Variants in GMDS observed in about 807,000 individuals in gnomAD.
The protein encoded by GMDS is GDP-mannose 4,6 dehydratase.
In GMDS, 20 loss-of-function variants were observed where a neutral mutation model predicts 49.9. The ratio of observed to expected loss-of-function variants is 0.40; its 90% CI spans 0.28 to 0.58. The LOEUF (loss-of-function observed/expected upper bound fraction) is 0.58. Among genes scored for constraint, GMDS ranks in the 20% least tolerant of loss-of-function variants. The pLI, the probability that GMDS is intolerant of heterozygous loss-of-function variation, is 0.42. For missense variants in GMDS, 362 were observed against 481.4 expected, an observed-to-expected ratio of 0.75 and a Z score of 2.32; for synonymous variants, 177 against 178.6, an observed-to-expected ratio of 0.99 and a Z score of 0.07.
At chr6:1,919,932 T>C (rs764993966) in intron 7 of GMDS, among the ~76,000 whole-genome samples, 3 of 152,186 alleles carry the variant, frequency 2.0e-5, no homozygotes, top group South Asian at 2.1e-4. Context: ...CCCAGCTGTA[T>C]TGAAGTCAAC....
At chr6:1,971,909 A>G (rs575797712) in intron 4 of GMDS, among the ~76,000 whole-genome samples, 8 of 152,320 alleles carry the variant, frequency 5.3e-5, no homozygotes, top group Admixed American at 3.3e-4. Flanking sequence ...TTTTTTTCTA[A>G]GGACTCAGCC....
intron 7 of GMDS, among the ~76,000 whole-genome samples, chr6:1,893,488 T>C (rs1204886461): frequency 6.6e-6 from 1 of 152,188 alleles, no homozygotes; most frequent in East Asian, 1.9e-4. Flanking sequence ...ACCCGGCCCA[T>C]CTCTGTTCCC....
chr6:2,092,623 T>C (rs1773383634), intron 4 of GMDS, among the ~76,000 whole-genome samples: 2 of 152,206 alleles, frequency 1.3e-5, no homozygotes, highest in Admixed American at 1.3e-4. Context: ...CCTAGATGAC[T>C]TTAAGACACT....
intron 7 of GMDS, among the ~76,000 whole-genome samples, chr6:1,745,623 T>C (rs1767462568): frequency 6.6e-6 from 1 of 152,266 alleles, no homozygotes; most frequent in Non-Finnish European, 1.5e-5. Flanking sequence ...ATCTGCTCTT[T>C]TCTTCTCCAT....
intron 7 of GMDS, among the ~76,000 whole-genome samples, chr6:1,804,409 C>T (rs1020617432): frequency 1.3e-5 from 2 of 152,256 alleles, no homozygotes; most frequent in African/African-American, 4.8e-5. Flanking sequence ...CCCTGAGGCT[C>T]ATCTCCACCA....
intron 7 of GMDS, among the ~76,000 whole-genome samples, chr6:1,760,574 C>G (rs561095427): frequency 2.0e-5 from 3 of 152,168 alleles, no homozygotes; most frequent in Admixed American, 2.0e-4. Context: ...CGCCGAGGAC[C>G]GCCCACCCTT....
At chr6:1,997,469 C>T (rs1339963698) in intron 4 of GMDS, among the ~76,000 whole-genome samples, 2 of 142,928 alleles carry the variant, frequency 1.4e-5, no homozygotes, top group Non-Finnish European at 3.0e-5. Context: ...GATCGCGCCA[C>T]TGCACTCCAG....
At chr6:1,797,656 T>C (rs1001555819) in intron 7 of GMDS, among the ~76,000 whole-genome samples, 2 of 152,228 alleles carry the variant, frequency 1.3e-5, no homozygotes, top group African/African-American at 2.4e-5. Context: ...TCATTTTACA[T>C]AGAGAGAAAC....
intron 4 of GMDS, among the ~76,000 whole-genome samples, chr6:2,055,852 C>T (rs1033068009): frequency 2.0e-5 from 3 of 152,062 alleles, no homozygotes; most frequent in African/African-American, 7.2e-5. Context: ...ACTATGATTC[C>T]TGTTATGAAG....
At position 1,833,470 on chromosome 6, in the gene GMDS, A is replaced by G. The variant is rs566489075; in HGVS notation, c.772-90884T>C. On this transcript the variant is annotated intron_variant, in intron 7 of 10. Coordinates refer to ENST00000380815, the MANE Select transcript of GMDS (RefSeq NM_001500.4). This position sits in a 1 kb window ranked among gnomAD's most constrained non-coding sequence, Gnocchi z 4.4. ...CTGTAATAAAAACTTTATAAGGTGA[A>G]ATCTAAATCCTGAATGCAGCACACA... Among the ~76,000 whole-genome samples the G allele has an allele frequency of 2.0e-5, 3 of 152,238 alleles. No individual in the cohort carries two copies. Among genetic ancestry groups the G allele is most frequent in the Non-Finnish European group, 2.9e-5 (2 of 68,002 alleles).
chr6:1,743,670 C>G (rs1012093867), intron 7 of GMDS, among the ~76,000 whole-genome samples: 1 of 152,014 alleles, frequency 6.6e-6, no homozygotes, highest in Non-Finnish European at 1.5e-5. Context: ...GCCCCGCTCC[C>G]CGTGGTTAGC....
intron 7 of GMDS, among the ~76,000 whole-genome samples, chr6:1,855,509 T>C (rs1219606059): frequency 6.6e-6 from 1 of 152,260 alleles, no homozygotes; most frequent in East Asian, 1.9e-4. Context: ...CAGAATGCAG[T>C]CTAGAGAGGG....
intron 9 of GMDS, among the ~76,000 whole-genome samples, chr6:1,638,473 G>T (rs1763231553): frequency 6.6e-6 from 1 of 152,084 alleles, no homozygotes; most frequent in South Asian, 2.1e-4. Context: ...TTAAACACAG[G>T]CCACTGGCTG....
At chr6:2,007,106 G>T (rs573239226) in intron 4 of GMDS, among the ~76,000 whole-genome samples, 1 of 152,308 alleles carries the variant, frequency 6.6e-6, no homozygotes, top group Non-Finnish European at 1.5e-5. Context: ...AACAGATTTT[G>T]ATGAGGTGGA....
At chr6:2,230,815 A>T (rs1435041402) in intron 1 of GMDS, among the ~76,000 whole-genome samples, 1 of 152,122 alleles carries the variant, frequency 6.6e-6, no homozygotes, top group Non-Finnish European at 1.5e-5. Flanking sequence ...ATTTAAATGT[A>T]GAAAAGCAAA....
chr6:2,244,711 C>T (rs1442617800), intron 1 of GMDS, among the ~76,000 whole-genome samples: 1 of 152,204 alleles, frequency 6.6e-6, no homozygotes, highest in African/African-American at 2.4e-5. Flanking sequence ...CCAAATGTGT[C>T]AACCTGAATC....
chr6:1,656,240 G>A (rs1270796346), intron 9 of GMDS, among the ~76,000 whole-genome samples: 2 of 152,176 alleles, frequency 1.3e-5, no homozygotes, highest in African/African-American at 2.4e-5. Context: ...ATGAGTCAGT[G>A]GTCTCCTGGC....
At chr6:2,055,010 A>G (rs1361949610) in intron 4 of GMDS, among the ~76,000 whole-genome samples, 1 of 152,128 alleles carries the variant, frequency 6.6e-6, no homozygotes, top group Non-Finnish European at 1.5e-5. Context: ...CTGTTGTAAA[A>G]AAGAATCTAA....
At chr6:1,919,018 A>T (rs531749465) in intron 7 of GMDS, among the ~76,000 whole-genome samples, 1 of 152,328 alleles carries the variant, frequency 6.6e-6, no homozygotes, top group Non-Finnish European at 1.5e-5. Flanking sequence ...TTTTAATAGT[A>T]AGAGAAATGG....
Sources: allele counts gnomAD v4.1 joint callset (sites outside exome capture counted in the v4.1 genomes callset), GRCh38; gene constraint gnomAD v4.1.1; non-coding constraint Gnocchi (gnomAD v3.1); transcripts MANE v1.5; gene names NCBI Gene and HGNC (gene_info 2026-07-23, HGNC 2026-07-21).